LAMA3: variants seen among roughly 807,000 people sequenced by gnomAD.
The protein encoded by LAMA3 is laminin subunit alpha-3.
Under a neutral mutation model 402.0 loss-of-function variants are expected in LAMA3, and 281 were observed. The observed-to-expected ratio is 0.70, with a 90% CI of 0.63 to 0.77. The LOEUF is 0.77. Among genes scored for constraint, LAMA3 ranks in the 30% least tolerant of loss-of-function variants. The pLI is 0.00. For missense variants in LAMA3, 3,840 were observed against 4,215.5 expected (o/e 0.91, Z 2.47); for synonymous variants, 1,431 against 1,558.4 (o/e 0.92, Z 1.93).
rs1387739563 is a variant in LAMA3, at chr18:23,860,256, CTTTTCTTTTTTTTT to C, written c.4423-1385_4423-1372del. Among the ~76,000 whole-genome samples the C allele has an allele frequency of 4.2e-3, 482 of 114,796 alleles. 2 individuals carry two copies. The highest frequency in any genetic ancestry group is 0.014 in the African/African-American group (454 of 32,976). The allele number at this position is 114,796 out of a possible 152,430, so 75.3% of individuals were successfully genotyped here. A position where few individuals can be genotyped will look rare whatever the true frequency, so the allele number is the denominator to read the frequency against. ...TCATATCTTTTCTTTGGTCACTTTT[CTTTTCTTTTTTTTT>C]TTTTTTTTTTGAGACAGGGTCTCTG... On this transcript the variant is annotated intron_variant, in intron 34 of 74. Coordinates refer to ENST00000313654, the MANE Select transcript of LAMA3 (RefSeq NM_198129.4).
intron 44 of LAMA3, 99 bp downstream of exon 44, chr18:23,895,157 T>A: frequency 7.4e-7 from 1 of 1,358,492 alleles, no homozygotes; most frequent in South Asian, 1.3e-5. Flanking sequence ...CTGGAAAGGC[T>A]CAGGGGTTGT....
chr18:23,742,805 G>A (rs1417330567), intron 2 of LAMA3, among the ~76,000 whole-genome samples: 3 of 152,130 alleles, frequency 2.0e-5, no homozygotes. Context: ...AAAAAGTTGG[G>A]AGAAGTAAAT....
rs940436771 is a variant in LAMA3, at chr18:23,792,205, A to T, written c.1603+8048A>T. ...AGGGACCTCTGATGTGTCTTAGTCC[A>T]TTTGGTATTGCTATAACAGAATACC... On this transcript the variant is annotated intron_variant, in intron 12 of 74. Coordinates refer to ENST00000313654, the MANE Select transcript of LAMA3 (RefSeq NM_198129.4). Among the ~76,000 whole-genome samples, 4 of 152,328 alleles carry T rather than the reference A, an allele frequency of 2.6e-5. No individual in the cohort carries two copies. The South Asian group carries it at 8.3e-4, about 32-fold the overall frequency.
chr18:23,941,285 C>T lies in LAMA3; in HGVS notation c.9026+1899C>T, dbSNP rs546399944. ...CTGGAGGCCCCTTTCCCCAGCCTCC[C>T]GCCTCTGGCCTCCCCCTTGTGGCCT... is the stretch of plus-strand genomic sequence containing the variant. On this transcript the variant is annotated intron_variant, in intron 68 of 74. Coordinates refer to ENST00000313654, the MANE Select transcript of LAMA3 (RefSeq NM_198129.4). 6.6e-4 allele frequency among the ~76,000 whole-genome samples: 99 copies of T among 150,150 alleles called. 4 individuals carry two copies. The South Asian group carries it at 0.02, about 30-fold the overall frequency.
intron 41 of LAMA3, among the ~76,000 whole-genome samples, chr18:23,887,718 A>G (rs920970192): frequency 6.6e-6 from 1 of 152,220 alleles, no homozygotes; most frequent in African/African-American, 2.4e-5. Context: ...GACTAGCTGG[A>G]TAGAAGCCAG....
At chr18:23,840,373 C>T (rs1016245876) in intron 27 of LAMA3, among the ~76,000 whole-genome samples, 2 of 112,666 alleles carry the variant, frequency 1.8e-5, no homozygotes, top group African/African-American at 8.2e-5. Flanking sequence ...AGCCAAGAAC[C>T]TTTCTTTCTT....
chr18:23,766,733 G>A (rs2062083024), intron 8 of LAMA3, among the ~76,000 whole-genome samples: 1 of 152,130 alleles, frequency 6.6e-6, no homozygotes, highest in East Asian at 1.9e-4. Flanking sequence ...CAGATACTCG[G>A]GAGGCTGAGG....
At chr18:23,753,019 G>A (rs952989077) in intron 5 of LAMA3, among the ~76,000 whole-genome samples, 1 of 152,228 alleles carries the variant, frequency 6.6e-6, no homozygotes, top group Non-Finnish European at 1.5e-5. Context: ...AGGAGGAGCT[G>A]CCTATTGTCA....
chr18:23,856,066 G>A (rs928770039), intron 32 of LAMA3, among the ~76,000 whole-genome samples: 3 of 152,200 alleles, frequency 2.0e-5, no homozygotes, highest in Non-Finnish European at 4.4e-5. Flanking sequence ...ACAATCCTGT[G>A]AAGTAGATAT....
At chr18:23,942,769 G>C (rs1002853701) in intron 68 of LAMA3, among the ~76,000 whole-genome samples, 2 of 151,994 alleles carry the variant, frequency 1.3e-5, no homozygotes, top group African/African-American at 4.8e-5. Flanking sequence ...GTAGAGACAG[G>C]GTTTCCCCAT....
chr18:23,929,175 T>TGCAGCAGCA (rs1026596067), intron 64 of LAMA3, among the ~76,000 whole-genome samples: 1 of 152,122 alleles, frequency 6.6e-6, no homozygotes, highest in Non-Finnish European at 1.5e-5. Flanking sequence ...ATTGCCTTTT[T>TGCAGCAGCA]GCAGCAGCAG....
intron 23 of LAMA3, among the ~76,000 whole-genome samples, chr18:23,832,730 G>A (rs1199662370): frequency 6.6e-6 from 1 of 152,092 alleles, no homozygotes; most frequent in Non-Finnish European, 1.5e-5. Flanking sequence ...TAACGGATTT[G>A]TTAAATAGTT....
chr18:23,714,843 G>A (rs923266791), intron 2 of LAMA3, among the ~76,000 whole-genome samples: 2 of 152,064 alleles, frequency 1.3e-5, no homozygotes, highest in African/African-American at 4.8e-5. Context: ...CCTTTCTCCT[G>A]CCGCTCGCAG....
At chr18:23,809,380 G>A (rs2063022973) in intron 12 of LAMA3, among the ~76,000 whole-genome samples, 2 of 152,172 alleles carry the variant, frequency 1.3e-5, no homozygotes, top group African/African-American at 4.8e-5. Context: ...CTTTAAAAAT[G>A]CCATTTAACT....
intron 32 of LAMA3, 25 bp downstream of exon 32, chr18:23,847,693 G>A (rs1208356156): frequency 5.6e-6 from 9 of 1,606,256 alleles, no homozygotes; most frequent in Non-Finnish European, 6.8e-6. Context: ...TAGCCTGTCT[G>A]CTTCTGTCAC....
At chr18:23,949,329 C>T (rs191502084) in intron 70 of LAMA3, among the ~76,000 whole-genome samples, 196 of 152,260 alleles carry the variant, frequency 1.3e-3, no homozygotes, top group African/African-American at 4.5e-3. Context: ...CACACTGCCT[C>T]GTGGAACTCT....
At chr18:23,705,368 A>G (rs182582667) in intron 1 of LAMA3, among the ~76,000 whole-genome samples, 33 of 152,218 alleles carry the variant, frequency 2.2e-4, no homozygotes, top group African/African-American at 7.7e-4. Flanking sequence ...AGATATTTAT[A>G]TACACAAATA....
At chr18:23,750,283 T>C (rs2061722701) in intron 4 of LAMA3, among the ~76,000 whole-genome samples, 1 of 152,182 alleles carries the variant, frequency 6.6e-6, no homozygotes, top group African/African-American at 2.4e-5. Flanking sequence ...CCTTCAAAGG[T>C]GTCAGCCTCC....
intron 5 of LAMA3, among the ~76,000 whole-genome samples, chr18:23,752,107 G>A (rs555825980): frequency 6.6e-6 from 1 of 152,246 alleles, no homozygotes; most frequent in African/African-American, 2.4e-5. Flanking sequence ...TTCCAGAAAG[G>A]CAGGCACCTT....
Sources: allele counts gnomAD v4.1 joint callset (sites outside exome capture counted in the v4.1 genomes callset), GRCh38; gene constraint gnomAD v4.1.1; transcripts MANE v1.5; gene names NCBI Gene and HGNC (gene_info 2026-07-23, HGNC 2026-07-21).